The following DCHS1 variants were observed in gnomAD, a reference collection of about 807,000 sequenced individuals.
DCHS1 encodes the protein dachsous cadherin-related 1, also known as protocadherin-16.
A neutral mutation model predicts 213.9 loss-of-function variants in DCHS1; 78 were observed. That is an observed-to-expected ratio of 0.36 (90% CI 0.30 to 0.44). The LOEUF (loss-of-function observed/expected upper bound fraction) is 0.44, where lower values mean the gene tolerates loss of function less well. Ranked by LOEUF, DCHS1 falls within the 20% of genes least tolerant of loss-of-function variation. DCHS1 has a pLI of 1.00. For missense variants in DCHS1, 3,946 were observed against 4,395.9 expected, an observed-to-expected ratio of 0.90 and a Z score of 2.89; for synonymous variants, 1,828 against 1,873.7, an observed-to-expected ratio of 0.98 and a Z score of 0.63.
intron 3 of DCHS1, 27 bp downstream of exon 3, chr11:6,634,091 C>A: frequency 6.3e-7 from 1 of 1,598,356 alleles, no homozygotes; most frequent in South Asian, 1.1e-5. Flanking sequence ...CCCAACATCC[C>A]AACCTGCCCT....
rs998570121 is a variant in DCHS1, at chr11:6,629,456, C to G, written c.5157G>C (p.Leu1719=). Residue 1719 remains leucine (L), a synonymous_variant, in exon 12 of 21, where the codon CTG becomes CTC. Transcript: ENST00000299441. ...LDREEQEEIN[L]TVYAQDRGSP... Reference sequence around the variant, plus strand: ...TGGGGTCCTGTCAACATGTACCTGTCAGGTTGATCTCCTCCTGTTCCTCTC... The same window carrying G: ...TGGGGTCCTGTCAACATGTACCTGTGAGGTTGATCTCCTCCTGTTCCTCTC... The G allele has an allele frequency of 6.2e-7, 1 of 1,612,810 alleles. No homozygotes were observed. Among genetic ancestry groups the G allele is most frequent in the African/African-American group, 1.3e-5 (1 of 74,928 alleles).
Position 6,640,328 on chromosome 11 carries a change from C to T in DCHS1, c.1286G>A (p.Arg429Gln), listed in dbSNP as rs140729879. 33 of 1,609,860 alleles carry T rather than the reference C, an allele frequency of 2.0e-5. No individual in the cohort carries two copies. Among genetic ancestry groups the T allele is most frequent in the African/African-American group, 1.1e-4 (8 of 74,840 alleles). Residue 429 changes from arginine to glutamine, a missense_variant, in exon 2 of 21, where the codon CGG becomes CAG. By Grantham distance (43) the Arg-to-Gln change is conservative (BLOSUM62 1). This residue lies in a region of DCHS1 where 3,384 missense variants were observed against 3,780.1 expected (regional missense o/e 0.90). Transcript: ENST00000299441. This position sits in a 1 kb window ranked among gnomAD's most constrained non-coding sequence, Gnocchi z 6.5. ...SVIYLVCVAR[R>Q]LDREERDAYN... ...GGCATCCCTCTCCTCTCGATCCAGCCGCCGAGCCACACACACCAGATAGAT... is the reference window on the plus strand; with the variant it reads ...GGCATCCCTCTCCTCTCGATCCAGCTGCCGAGCCACACACACCAGATAGAT...
chr11:6,640,156 C>A lies in DCHS1; in HGVS notation c.1458G>T (p.Ala486=). 2 of 1,613,662 alleles carry A rather than the reference C, an allele frequency of 1.2e-6. No individual in the cohort carries two copies. The highest frequency in any genetic ancestry group is 1.7e-6 in the Non-Finnish European group (2 of 1,179,762). Reference sequence around the variant, plus strand: ...CCCGCACTACAAAGCTGCCAGGCAGCGCAACCTCAGGCAGGGGCTCAGGTC... The same window carrying A: ...CCCGCACTACAAAGCTGCCAGGCAGAGCAACCTCAGGCAGGGGCTCAGGTC... ...LYRPEPLPEV[A]LPGSFVVRVT... is the part of the protein sequence containing the mutation. Residue 486 remains alanine, a synonymous_variant, in exon 2 of 21, where the codon GCG becomes GCT. Transcript: ENST00000299441. The surrounding 1 kb of genome is among the most constrained non-coding windows in gnomAD (Gnocchi z 6.5).
intron 1 of DCHS1, among the ~76,000 whole-genome samples, chr11:6,643,987 A>C (rs1217179437): frequency 6.6e-6 from 1 of 152,184 alleles, no homozygotes; most frequent in Non-Finnish European, 1.5e-5. Flanking sequence ...GACATGTCTC[A>C]GGTCTTTCTT....
intron 2 of DCHS1, among the ~76,000 whole-genome samples, chr11:6,639,614 C>T (rs1856034770): frequency 6.6e-6 from 1 of 152,240 alleles, no homozygotes; most frequent in Non-Finnish European, 1.5e-5. Context: ...AGACCATCTG[C>T]CTCAGCTCTT....
rs73397274 is a variant in DCHS1 at position 6,647,170 on chromosome 11, A to G, written c.-120-5437T>C. On this transcript the variant is annotated intron_variant, in intron 1 of 20. Coordinates refer to ENST00000299441, the MANE Select transcript of DCHS1 (RefSeq NM_003737.4). ...AGCAAAGGGGTGAGGATACAGGGCC[A>G]GGCATAAAAGAAAGAGGAAGTGAGA... Among the ~76,000 whole-genome samples, 205 of 152,336 alleles carry G rather than the reference A, an allele frequency of 1.3e-3. 1 individual carries two copies. The highest frequency in any genetic ancestry group is 4.6e-3 in the African/African-American group (190 of 41,570).
At chr11:6,635,274 T>C (rs1266438078) in intron 2 of DCHS1, 2 of 152,188 alleles carry the variant, frequency 1.3e-5, no homozygotes, top group East Asian at 1.9e-4. Context: ...GCAAGGTACA[T>C]AGTAGGTGCT....
In DCHS1 at chr11:6,633,006, G is replaced by C. The variant is rs1855936003; in HGVS notation, c.2506C>G (p.Leu836Val). ...LSLSGGDPRG[L>V]FSLDAVSGLL... ...CCTGATACCGCATCTAGGGAGAAGAGTCCTCGGGGATCCCCACCTGATAGG... is the reference window on the plus strand; with the variant it reads ...CCTGATACCGCATCTAGGGAGAAGACTCCTCGGGGATCCCCACCTGATAGG... Residue 836 changes from leucine to valine, a missense_variant, in exon 6 of 21, where the codon CTC becomes GTC. Leu to Val is a conservative substitution (Grantham distance 32). Transcript: ENST00000299441. 3.7e-6 allele frequency: 6 copies of C among 1,612,406 alleles called. No homozygotes were observed. Among genetic ancestry groups the C allele is most frequent in the Non-Finnish European group, 4.2e-6 (5 of 1,178,540 alleles).
In DCHS1 at chr11:6,626,020, C is replaced by T; in HGVS notation, c.6631G>A (p.Ala2211Thr). 1 of 1,612,410 alleles carries T rather than the reference C, an allele frequency of 6.2e-7. No homozygotes were observed. Among genetic ancestry groups the T allele is most frequent in the Non-Finnish European group, 8.5e-7 (1 of 1,179,234 alleles). ...AATCCACGTGCCGGCTGGGATGCAG[C>T]CAGACTGTAGGAAATCTGTCCTCCA... The part of the protein sequence containing the change: ...GSGGQISYSL[A>T]ASQPARGLFH... Residue 2211 changes from alanine (A) to threonine (T), a missense_variant, in exon 17 of 21, where the codon GCT (alanine) becomes ACT (threonine). Physicochemically the swap from Ala to Thr is moderately conservative, Grantham distance 58 (BLOSUM62 0). Transcript: ENST00000299441. The surrounding 1 kb of genome is among the most constrained non-coding windows in gnomAD (Gnocchi z 5.2).
In DCHS1 at chr11:6,625,714, C is replaced by T. The variant is rs2134616584; in HGVS notation, c.6745G>A (p.Ala2249Thr). 1 of 1,605,842 alleles carries T rather than the reference C, an allele frequency of 6.2e-7. No homozygotes were observed. The highest frequency in any genetic ancestry group is 8.5e-7 in the Non-Finnish European group (1 of 1,176,766). The change falls in exon 18 of 21, where the codon GCC (alanine) becomes ACC (threonine). Residue 2249 changes from alanine to threonine, a missense_variant. Transcript: ENST00000299441. This position sits in a 1 kb window ranked among gnomAD's most constrained non-coding sequence, Gnocchi z 5.3. ...AGGGCTGGGCTCCCTCTGTCTGTGG[C>T]CATCAGCACCAACCTGGACACAAAG... Reference protein sequence around the residue: ...IWAETRLVLMATDRGSPALVG... With the variant: ...IWAETRLVLMTTDRGSPALVG...
At chr11:6,633,153 C>T (rs1855938586) in intron 5 of DCHS1, 97 bp from the exon 6 acceptor site, 2 of 1,404,838 alleles carry the variant, frequency 1.4e-6, no homozygotes, top group East Asian at 2.3e-5. Context: ...GCAGTGCCCA[C>T]ACCCATGCCT....
At position 6,630,770 on chromosome 11, in the gene DCHS1, C is replaced by T; in HGVS notation, c.4024G>A (p.Ala1342Thr). The T allele has an allele frequency of 6.5e-7, 1 of 1,547,210 alleles. No individual in the cohort carries two copies. The highest frequency in any genetic ancestry group is 8.7e-7 in the Non-Finnish European group (1 of 1,147,320). Residue 1342 changes from alanine (A) to threonine (T), a missense_variant, in exon 10 of 21, where the codon GCT becomes ACT. Physicochemically the swap from Ala to Thr is moderately conservative, Grantham distance 58. Transcript: ENST00000299441. ...AGAGAGCCGGGCCGCAGTCCCTCAG[C>T]TGCTGTCACCGTCAGCACGACAGGC... ...PVPVVLTVTA[A>T]EGLRPGSLLG... is the part of the protein sequence containing the mutation.
In DCHS1 at chr11:6,622,904, G is replaced by T; in HGVS notation, c.8772C>A (p.His2924Gln). Residue 2924 changes from histidine (H) to glutamine (Q), a missense_variant, in exon 21 of 21, where the codon CAC becomes CAA. Physicochemically the swap from His to Gln is conservative, Grantham distance 24. Coordinates refer to ENST00000299441, the MANE Select transcript of DCHS1 (RefSeq NM_003737.4). The surrounding 1 kb of genome is among the most constrained non-coding windows in gnomAD (Gnocchi z 5.4). ...ATVPVTVDIT[H>Q]TALGLAPDLN... ...GGTCAGGTGCCAGGCCCAGTGCGGT[G>T]TGGGTGATATCCACGGTCACAGGCA... 6.3e-7 allele frequency: 1 copy of T among 1,596,794 alleles called. No individual in the cohort carries two copies. Among genetic ancestry groups the T allele is most frequent in the Non-Finnish European group, 8.5e-7 (1 of 1,171,806 alleles).
In DCHS1 at chr11:6,625,440, C is replaced by T; in HGVS notation, c.6904G>A (p.Asp2302Asn). The change falls in exon 19 of 21, where the codon GAT (aspartate) becomes AAT (asparagine). Residue 2302 changes from aspartate (D) to asparagine (N), a missense_variant. This residue lies in a region of DCHS1 where 3,384 missense variants were observed against 3,780.1 expected (regional missense o/e 0.90). Transcript: ENST00000299441. This position sits in a 1 kb window ranked among gnomAD's most constrained non-coding sequence, Gnocchi z 5.3. ...GSEIAQVTGN[D>N]VDSGPVLWYV... Reference sequence around the variant, plus strand: ...CACAGCACGGGTCCTGAGTCCACATCATTCCCTGTTACCTGTGCAATCTCT... The same window carrying T: ...CACAGCACGGGTCCTGAGTCCACATTATTCCCTGTTACCTGTGCAATCTCT... 1 of 1,601,918 alleles carries T rather than the reference C, an allele frequency of 6.2e-7. No individual in the cohort carries two copies. The highest frequency in any genetic ancestry group is 8.5e-7 in the Non-Finnish European group (1 of 1,173,114).
chr11:6,626,985 A>G lies in DCHS1; in HGVS notation c.6054T>C (p.Gly2018=), dbSNP rs201682556. 6.2e-7 allele frequency: 1 copy of G among 1,613,740 alleles called. No individual in the cohort carries two copies. The highest frequency in any genetic ancestry group is 2.2e-5 in the East Asian group (1 of 44,886). ...CAGGAGAGCGGGCCACGCGGATTTC[A>G]CCAGTGTAAGAGTCCACAGTAGTGC... ...PPGTTVDSYT[G]EIRVARSPVA... is the part of the protein sequence containing the mutation. Residue 2018 remains glycine, a synonymous_variant, in exon 14 of 21, where the codon GGT becomes GGC. Transcript: ENST00000299441. The surrounding 1 kb of genome is among the most constrained non-coding windows in gnomAD (Gnocchi z 5.2).
rs1410318800 is a variant in DCHS1, at chr11:6,630,597, G to A, written c.4197C>T (p.Gly1399=). 1 of 1,541,226 alleles carries A rather than the reference G, an allele frequency of 6.5e-7. No individual in the cohort carries two copies. The highest frequency in any genetic ancestry group is 2.0e-5 in the Admixed American group (1 of 50,808). ...YLARPLDFEA[G]PPWRALTVRA... ...GTACCGTAAGCGCGCGCCACGGCGG[G>A]CCAGCTTCGAAGTCCAGGGGCCGCG... The change falls in exon 10 of 21, where the codon GGC becomes GGT. Residue 1399 remains glycine, a synonymous_variant. Coordinates refer to ENST00000299441, the MANE Select transcript of DCHS1 (RefSeq NM_003737.4).
chr11:6,627,278 G>C lies in DCHS1; in HGVS notation c.5761C>G (p.Gln1921Glu), dbSNP rs1340643669. 6.2e-7 allele frequency: 1 copy of C among 1,613,090 alleles called. No homozygotes were observed. Among genetic ancestry groups the C allele is most frequent in the African/African-American group, 1.3e-5 (1 of 74,922 alleles). The stretch of plus-strand genomic sequence containing the variant: ...ACAGAAAAGGTGTAGCTGGGACACT[G>C]TTCTCTGTCCAAGGCTGCAGCTGTG... Reference protein sequence around the residue: ...LRTAAALDREQCPSYTFSVSA... With the variant: ...LRTAAALDREECPSYTFSVSA... The change falls in exon 14 of 21, where the codon CAG (glutamine) becomes GAG (glutamate). Residue 1921 changes from glutamine to glutamate, a missense_variant. Coordinates refer to ENST00000299441, the MANE Select transcript of DCHS1 (RefSeq NM_003737.4). The surrounding 1 kb of genome is among the most constrained non-coding windows in gnomAD (Gnocchi z 5.4).
intron 1 of DCHS1, among the ~76,000 whole-genome samples, chr11:6,654,155 A>G (rs1056432315): frequency 1.3e-5 from 2 of 152,150 alleles, no homozygotes; most frequent in Admixed American, 6.5e-5. Context: ...TGTGAGCTTG[A>G]TAAGTTAAGC....
Position 6,626,148 on chromosome 11 carries a change from T to C in DCHS1, c.6576+21A>G. The C allele has an allele frequency of 3.8e-6, 6 of 1,598,102 alleles. No individual in the cohort carries two copies. The highest frequency in any genetic ancestry group is 5.1e-6 in the Non-Finnish European group (6 of 1,172,502). On this transcript the variant is annotated intron_variant, in intron 16 of 20. Transcript: ENST00000299441. This position sits in a 1 kb window ranked among gnomAD's most constrained non-coding sequence, Gnocchi z 5.2. ...TGACTAGCCCTGCTCCCCCGCCCAATCTTTCCATCACACCCCGCACCTGCA... is the reference window on the plus strand; with the variant it reads ...TGACTAGCCCTGCTCCCCCGCCCAACCTTTCCATCACACCCCGCACCTGCA...
Sources: gnomAD v4.1 joint callset for allele counts (sites outside exome capture counted in the v4.1 genomes callset) on GRCh38, gnomAD v4.1.1 for gene constraint, gnomAD v4.1.1 regional missense constraint, Gnocchi (gnomAD v3.1) non-coding constraint, MANE v1.5 for transcripts, NCBI Gene and HGNC (gene_info 2026-07-23, HGNC 2026-07-21) for gene names.